Variants in TRAF2 observed in about 807,000 individuals in gnomAD.
TRAF2 encodes TNF receptor-associated factor 2.
In TRAF2, 6 loss-of-function variants were observed where a neutral mutation model predicts 55.6. That is an observed-to-expected ratio of 0.11 (90% CI 0.06 to 0.21). The LOEUF (loss-of-function observed/expected upper bound fraction) is 0.21, where lower values mean the gene tolerates loss of function less well. Among genes scored for constraint, TRAF2 ranks in the 10% least tolerant of loss-of-function variants. The probability of loss-of-function intolerance (pLI) is 1.00; values close to 1 mark genes in which losing one functional copy is unlikely to be tolerated. For synonymous variants in TRAF2, 329 were observed against 276.3 expected, an observed-to-expected ratio of 1.19 and a Z score of -1.89; for missense variants, 561 against 684.5, an observed-to-expected ratio of 0.82 and a Z score of 2.01.
intron 6 of TRAF2, among the ~76,000 whole-genome samples, chr9:136,913,344 C>A (rs1850167069): frequency 6.9e-6 from 1 of 144,108 alleles, no homozygotes; most frequent in South Asian, 2.3e-4. Flanking sequence ...GCCGCCCAGG[C>A]TGGAGTGCAG....
intron 10 of TRAF2, among the ~76,000 whole-genome samples, chr9:136,924,886 GCAC>G (rs995760728): frequency 3.3e-5 from 5 of 151,950 alleles, no homozygotes; most frequent in Admixed American, 6.6e-5. Flanking sequence ...CTACAGGCAT[GCAC>G]CACCACGCCC....
At chr9:136,923,755 G>C in intron 9 of TRAF2, 97 bp from the exon 10 acceptor site, 2 of 1,287,136 alleles carry the variant, frequency 1.6e-6, no homozygotes, top group Non-Finnish European at 2.1e-6. Flanking sequence ...TTTCTTTGTA[G>C]GTGTTTTTGT....
intron 1 of TRAF2, among the ~76,000 whole-genome samples, chr9:136,895,436 T>G (rs912561723): frequency 4.6e-5 from 7 of 152,230 alleles, no homozygotes; most frequent in Non-Finnish European, 1.0e-4. Flanking sequence ...ACAGCCTGCC[T>G]GGAGGCATCA....
intron 1 of TRAF2, among the ~76,000 whole-genome samples, chr9:136,898,321 C>T (rs1337218855): frequency 5.9e-5 from 9 of 152,214 alleles, no homozygotes; most frequent in Admixed American, 5.2e-4. Flanking sequence ...TTGCAGGAAC[C>T]ATGGGGGAGA....
At chr9:136,904,474 C>T (rs940002641) in intron 4 of TRAF2, among the ~76,000 whole-genome samples, 2 of 152,122 alleles carry the variant, frequency 1.3e-5, no homozygotes, top group South Asian at 2.1e-4. Flanking sequence ...GGCACGATCC[C>T]GGCTCACTGC....
chr9:136,910,020 G>A (rs754939645), intron 6 of TRAF2, 26 bp downstream of exon 6: 1 of 1,609,848 alleles, frequency 6.2e-7, no homozygotes, highest in Admixed American at 1.7e-5. Flanking sequence ...CTCCTTGGAG[G>A]ACCGCAGGGC....
intron 7 of TRAF2, among the ~76,000 whole-genome samples, chr9:136,919,070 T>TTATTTATTTATTTATTTATG (rs1850318420): frequency 6.6e-6 from 1 of 150,574 alleles, no homozygotes; most frequent in African/African-American, 2.4e-5. Flanking sequence ...ATTTATTTAT[T>TTATTTATTTATTTATTTATG]TATTTTCGAA....
chr9:136,889,887 C>T (rs766772407), intron 1 of TRAF2, among the ~76,000 whole-genome samples: 27 of 151,944 alleles, frequency 1.8e-4, no homozygotes, highest in Non-Finnish European at 2.9e-4. Flanking sequence ...CTCATTCAGT[C>T]GGTCACCGCA....
At chr9:136,900,797 G>A (rs1849803746) in intron 4 of TRAF2, 1 of 399,672 alleles carries the variant, frequency 2.5e-6, no homozygotes, top group South Asian at 2.3e-5. Flanking sequence ...TCTGTCGATG[G>A]GGGTGCAGGA....
rs1206348882 is a variant in TRAF2, at chr9:136,909,909, T to G, written c.529-11T>G. 2 of 1,614,052 alleles carry G rather than the reference T, an allele frequency of 1.2e-6. No homozygotes were observed. Among genetic ancestry groups the G allele is most frequent in the Admixed American group, 3.3e-5 (2 of 60,002 alleles). ...CGTCCACCCTCACACTCCTGATCCC[T>G]TCTTTTGAAGGCGCACCACGAGGTC... On this transcript the variant is annotated splice_polypyrimidine_tract_variant and intron_variant, in intron 5 of 10. Transcript: ENST00000247668.
At chr9:136,920,802 T>C (rs1259135044) in intron 8 of TRAF2, among the ~76,000 whole-genome samples, 1 of 152,096 alleles carries the variant, frequency 6.6e-6, no homozygotes, top group African/African-American at 2.4e-5. Flanking sequence ...GGGATGTGCA[T>C]GGCCTGGTGT....
rs1395282614 is a variant in TRAF2, at chr9:136,908,217, G to A, written c.514G>A (p.Gly172Arg). 7 of 1,591,002 alleles carry A rather than the reference G, an allele frequency of 4.4e-6. No homozygotes were observed. The highest frequency in any genetic ancestry group is 4.5e-5 in the East Asian group (2 of 44,400). ...SCRHCRAPCCGADVKAHHEVC... is the reference protein window; with the variant it reads ...SCRHCRAPCCRADVKAHHEVC... ...CCGGCATTGCCGGGCACCCTGCTGC[G>A]GAGCAGACGTGAAGGTGCGTGGGGT... is the stretch of plus-strand genomic sequence containing the variant. The change falls in exon 5 of 11, where the codon GGA (glycine) becomes AGA (arginine). Residue 172 changes from glycine to arginine, a missense_variant. This residue lies in a region of TRAF2 where 426 missense variants were observed against 476.8 expected (regional missense o/e 0.89). Coordinates refer to ENST00000247668, the MANE Select transcript of TRAF2 (RefSeq NM_021138.4).
In TRAF2 at chr9:136,919,391, C is replaced by T. The variant is rs573059755; in HGVS notation, c.679-843C>T. Among the ~76,000 whole-genome samples the T allele has an allele frequency of 4.1e-4, 62 of 150,790 alleles. No homozygotes were observed. In the South Asian group the frequency reaches 7.4e-3, roughly 18 times the overall value. Reference sequence around the variant, plus strand: ...TCGGCTCACCACAACCTCCACCTCCCGGGTTCAAACAGTTCTGCCTCAGCC... The same window carrying T: ...TCGGCTCACCACAACCTCCACCTCCTGGGTTCAAACAGTTCTGCCTCAGCC... On this transcript the variant is annotated intron_variant, in intron 7 of 10. Coordinates refer to ENST00000247668, the MANE Select transcript of TRAF2 (RefSeq NM_021138.4).
chr9:136,911,304 T>C (rs1306049493), intron 6 of TRAF2, among the ~76,000 whole-genome samples: 3 of 151,160 alleles, frequency 2.0e-5, no homozygotes, highest in Non-Finnish European at 4.4e-5. Context: ...GTTTCGCTCT[T>C]GTTGCCCAGG....
rs1215772362 is a variant in TRAF2, at chr9:136,898,080, T to C, written c.-28-633T>C. 4.2e-3 allele frequency among the ~76,000 whole-genome samples: 421 copies of C among 100,082 alleles called. 3 individuals carry two copies. The highest frequency in any genetic ancestry group is 0.016 in the African/African-American group (397 of 25,280). The allele number at this position is 100,082 out of a possible 152,430, so 65.7% of individuals were successfully genotyped here. A position where few individuals can be genotyped will look rare whatever the true frequency, so the allele number is the denominator to read the frequency against. On this transcript the variant is annotated intron_variant, in intron 1 of 10. Transcript: ENST00000247668. ...AGCTAAAGGGAGTGCACTAGCCAGC[T>C]CCAGGTGTGCTACATTCCCGCTCTC...
rs1849748586 is a variant in TRAF2 at position 136,898,843 on chromosome 9, T to G, written c.103T>G (p.Ser35Ala). ...CAAGCTGGAAGCCAAGTACCTGTGC[T>G]CCGCCTGCAGAAACGTCCTCCGCAG... Reference protein sequence around the residue: ...GTKLEAKYLCSACRNVLRRPF... With the variant: ...GTKLEAKYLCAACRNVLRRPF... The change falls in exon 2 of 11, where the codon TCC becomes GCC. Residue 35 changes from serine (S) to alanine (A), a missense_variant. Transcript: ENST00000247668. The G allele has an allele frequency of 1.2e-6, 2 of 1,613,584 alleles. No homozygotes were observed. Among genetic ancestry groups the G allele is most frequent in the Non-Finnish European group, 1.7e-6 (2 of 1,180,030 alleles).
upstream of TRAF2, among the ~76,000 whole-genome samples, chr9:136,883,082 C>G (rs1418668661): frequency 6.6e-6 from 1 of 152,136 alleles, no homozygotes; most frequent in African/African-American, 2.4e-5. Context: ...CTTGGCCAGG[C>G]TGGTCTTGAA....
chr9:136,893,491 C>T (rs966643401), intron 1 of TRAF2, among the ~76,000 whole-genome samples: 10 of 152,340 alleles, frequency 6.6e-5, no homozygotes, highest in African/African-American at 2.2e-4. Context: ...ACTCTGCGTT[C>T]CCCAGTCCTG....
chr9:136,893,440 T>C (rs1007724092), intron 1 of TRAF2, among the ~76,000 whole-genome samples: 17 of 152,196 alleles, frequency 1.1e-4, no homozygotes, highest in Admixed American at 7.2e-4. Context: ...GAGTCAGCCC[T>C]ATTCAGGTCA....
Sources: gnomAD v4.1 joint callset for allele counts (sites outside exome capture counted in the v4.1 genomes callset) on GRCh38, gnomAD v4.1.1 for gene constraint, gnomAD v4.1.1 regional missense constraint, MANE v1.5 for transcripts, NCBI Gene and HGNC (gene_info 2026-07-23, HGNC 2026-07-21) for gene names.